CTXND1: variants seen among roughly 807,000 people sequenced by gnomAD.
The protein encoded by CTXND1 is cortexin domain containing 1.
At chr15:80,232,520 T>C (rs1893442612) in intron 1 of CTXND1, among the ~76,000 whole-genome samples, 1 of 152,210 alleles carries the variant, frequency 6.6e-6, no homozygotes, top group South Asian at 2.1e-4. Flanking sequence ...CTCCAAATAA[T>C]GAAGTTGAGT....
At position 80,201,596 on chromosome 15, in the gene CTXND1, C is replaced by T. The variant is rs2041449396; in HGVS notation, c.*174G>A. On this transcript the variant is annotated 3_prime_UTR_variant, in exon 3 of 3. Coordinates refer to ENST00000560778, the MANE Select transcript of CTXND1 (RefSeq NM_001352888.2). ...CGACACCCACGGCACCCGGGCATTC[C>T]ACGCTGGTGCTCGAGGGAGGGCTGA... 2 of 394,598 alleles carry T rather than the reference C, an allele frequency of 5.1e-6. No homozygotes were observed. The highest frequency in any genetic ancestry group is 2.1e-5 in the African/African-American group (1 of 48,550). 24.4% of individuals were successfully genotyped at this position (394,598 alleles called of 1,614,324 possible). A position where few individuals can be genotyped will look rare whatever the true frequency, so the allele number is the denominator to read the frequency against.
At chr15:80,224,407 T>C (rs1893351119) in intron 1 of CTXND1, among the ~76,000 whole-genome samples, 1 of 152,262 alleles carries the variant, frequency 6.6e-6, no homozygotes, top group South Asian at 2.1e-4. Context: ...TATGGAATTA[T>C]CTATCCATTC....
intron 1 of CTXND1, among the ~76,000 whole-genome samples, chr15:80,221,728 A>G (rs141706713): frequency 0.013 from 1,923 of 152,294 alleles, 40 homozygotes; most frequent in African/African-American, 0.044. Flanking sequence ...TGCTTAATAG[A>G]AAAATAAATA....
intron 1 of CTXND1, among the ~76,000 whole-genome samples, chr15:80,233,735 G>A (rs1322995851): frequency 2.0e-5 from 3 of 152,214 alleles, no homozygotes; most frequent in Non-Finnish European, 4.4e-5. Context: ...ACCTGCAAGC[G>A]ACTGACTTTG....
rs1893118506 is a variant in CTXND1, at chr15:80,204,157, AAAAAAAAAAAAAATATATATAT to A, written c.-217-439_-217-418del. On this transcript the variant is annotated intron_variant, in intron 1 of 2. Coordinates refer to ENST00000560778, the MANE Select transcript of CTXND1 (RefSeq NM_001352888.2). ...GCAAGACTGTGTCTCAAAAAAAAAA[AAAAAAAAAAAAAATATATATAT>A]ATATATATATATATATATATACACA... Among the ~76,000 whole-genome samples the A allele has an allele frequency of 5.7e-5, 2 of 35,244 alleles. 1 individual carries two copies. The allele number at this position is 35,244 out of a possible 152,430, so 23.1% of individuals were successfully genotyped here.
At chr15:80,211,584 C>G (rs145310994) in intron 1 of CTXND1, among the ~76,000 whole-genome samples, 1 of 152,018 alleles carries the variant, frequency 6.6e-6, no homozygotes, top group East Asian at 1.9e-4. Flanking sequence ...ATAATTAAAA[C>G]GATGACAATC....
At chr15:80,248,620 A>T (rs1893660676) in intron 1 of CTXND1, among the ~76,000 whole-genome samples, 1 of 152,242 alleles carries the variant, frequency 6.6e-6, no homozygotes, top group Non-Finnish European at 1.5e-5. Flanking sequence ...TCTAGGCAAG[A>T]GAGGGAGGTG....
rs2041442624 is a variant in CTXND1 at position 80,200,379 on chromosome 15, C to G, written c.*1391G>C. The G allele has an allele frequency of 6.6e-6, 1 of 152,126 alleles. No homozygotes were observed. Among genetic ancestry groups the G allele is most frequent in the African/African-American group, 2.4e-5 (1 of 41,384 alleles). 9.4% of individuals were successfully genotyped at this position (152,126 alleles called of 1,614,324 possible). A position where few individuals can be genotyped will look rare whatever the true frequency, so the allele number is the denominator to read the frequency against. ...GAGGCTGAGTGAGTTATTTGGGGTC[C>G]TCTAACAAGGAAGTAGAGGAATTGG... On this transcript the variant is annotated 3_prime_UTR_variant, in exon 3 of 3. Transcript: ENST00000560778.
At chr15:80,205,176 G>A (rs747577346) in intron 1 of CTXND1, among the ~76,000 whole-genome samples, 6 of 152,106 alleles carry the variant, frequency 3.9e-5, no homozygotes, top group African/African-American at 4.8e-5. Flanking sequence ...TACATAGAAG[G>A]TTGCCTCTTT....
rs1177074587 is a variant in CTXND1, at chr15:80,195,887, T to C, written c.*5883A>G. 6.6e-6 allele frequency: 1 copy of C among 152,208 alleles called. No homozygotes were observed. The highest frequency in any genetic ancestry group is 2.4e-5 in the African/African-American group (1 of 41,462). The allele number at this position is 152,208 out of a possible 1,614,324, so 9.4% of individuals were successfully genotyped here. A position where few individuals can be genotyped will look rare whatever the true frequency, so the allele number is the denominator to read the frequency against. The stretch of plus-strand genomic sequence containing the variant: ...ATCTCTAGTGACCAAGAGGAACTGC[T>C]TCCACCAGGGAATATAGTTATGGGT... On this transcript the variant is annotated 3_prime_UTR_variant, in exon 3 of 3. Coordinates refer to ENST00000560778, the MANE Select transcript of CTXND1 (RefSeq NM_001352888.2).
At chr15:80,230,037 C>T (rs140174492) in intron 1 of CTXND1, among the ~76,000 whole-genome samples, 8 of 152,284 alleles carry the variant, frequency 5.3e-5, no homozygotes, top group Admixed American at 1.3e-4. Flanking sequence ...ATTATTTGAA[C>T]GACTTGGAAC....
chr15:80,213,969 G>GA (rs56931910), intron 1 of CTXND1, among the ~76,000 whole-genome samples: 114,582 of 151,956 alleles, frequency 0.75, 43,431 homozygotes, highest in East Asian at 0.9. Flanking sequence ...ATGAAGGGAG[G>GA]AAAGGCATAT....
chr15:80,245,756 T>A (rs1203629912), intron 1 of CTXND1, among the ~76,000 whole-genome samples: 2 of 152,160 alleles, frequency 1.3e-5, no homozygotes, highest in Non-Finnish European at 1.5e-5. Context: ...CCTCTCCCTG[T>A]GAAATGCCAC....
chr15:80,247,353 AG>A (rs1893644283), intron 1 of CTXND1, among the ~76,000 whole-genome samples: 1 of 151,922 alleles, frequency 6.6e-6, no homozygotes, highest in East Asian at 1.9e-4. Flanking sequence ...CACCCCTAAG[AG>A]GGGTGCCTTT....
chr15:80,225,683 C>G (rs1423849600), intron 1 of CTXND1, among the ~76,000 whole-genome samples: 2 of 152,156 alleles, frequency 1.3e-5, no homozygotes, highest in African/African-American at 2.4e-5. Flanking sequence ...CTTTCAATTT[C>G]AAGGATTTTT....
At chr15:80,251,391 T>G (rs1020154939) in intron 1 of CTXND1, among the ~76,000 whole-genome samples, 5 of 152,184 alleles carry the variant, frequency 3.3e-5, no homozygotes, top group African/African-American at 1.2e-4. Context: ...CAACGGAGAC[T>G]TGACATTTCT....
chr15:80,227,301 C>T (rs1377984075), intron 1 of CTXND1, among the ~76,000 whole-genome samples: 1 of 152,150 alleles, frequency 6.6e-6, no homozygotes, highest in Non-Finnish European at 1.5e-5. Flanking sequence ...GTGAAGGTAA[C>T]TTACTAACTA....
chr15:80,248,338 A>G (rs956490683), intron 1 of CTXND1, among the ~76,000 whole-genome samples: 17 of 152,238 alleles, frequency 1.1e-4, no homozygotes, highest in African/African-American at 3.1e-4. Flanking sequence ...GTTTGCCTGC[A>G]CAGGGGTCAT....
intron 1 of CTXND1, among the ~76,000 whole-genome samples, chr15:80,250,797 G>C (rs1296780445): frequency 2.6e-5 from 4 of 152,268 alleles, no homozygotes; most frequent in Middle Eastern, 3.4e-3. Context: ...TTAAAGCCTT[G>C]AATGTTTGGC....
Sources: allele counts gnomAD v4.1 joint callset (sites outside exome capture counted in the v4.1 genomes callset), GRCh38; gene constraint gnomAD v4.1.1; transcripts MANE v1.5; gene names NCBI Gene and HGNC (gene_info 2026-07-23, HGNC 2026-07-21).